RNF185: variants seen among roughly 807,000 people sequenced by gnomAD.
The protein encoded by RNF185 is ring finger protein 185, also known as E3 ubiquitin-protein ligase RNF185.
RNF185 carries 13 observed loss-of-function variants against 24.9 expected under a neutral mutation model. The observed-to-expected ratio is 0.52, with a 90% CI of 0.34 to 0.83. The LOEUF (loss-of-function observed/expected upper bound fraction) is 0.83. Ranked by LOEUF, RNF185 falls within the 40% of genes least tolerant of loss-of-function variation. The pLI, the probability that RNF185 is intolerant of heterozygous loss-of-function variation, is 0.01. For synonymous variants in RNF185, 79 were observed against 90.3 expected, an observed-to-expected ratio of 0.88 and a Z score of 0.71; for missense variants, 184 against 244.7, an observed-to-expected ratio of 0.75 and a Z score of 1.65.
intron 1 of RNF185, among the ~76,000 whole-genome samples, chr22:31,178,741 T>C (rs2048006717): frequency 6.6e-6 from 1 of 152,166 alleles, no homozygotes; most frequent in Non-Finnish European, 1.5e-5. Context: ...CAAATGTAAT[T>C]GGCATTGGAA....
At chr22:31,204,258 G>A (rs535840191) in intron 6 of RNF185, among the ~76,000 whole-genome samples, 4 of 151,688 alleles carry the variant, frequency 2.6e-5, no homozygotes, top group East Asian at 3.9e-4. Flanking sequence ...CAGGAGAATC[G>A]CTTGAACCTG....
chr22:31,198,111 C>T (rs2048224525), intron 5 of RNF185, among the ~76,000 whole-genome samples: 1 of 152,184 alleles, frequency 6.6e-6, no homozygotes, highest in Non-Finnish European at 1.5e-5. Flanking sequence ...ATGTTCTCTT[C>T]ATCTGTAGGC....
chr22:31,180,794 T>C (rs1384975810), intron 1 of RNF185, among the ~76,000 whole-genome samples: 2 of 152,206 alleles, frequency 1.3e-5, no homozygotes, highest in South Asian at 2.1e-4. Context: ...GTAATACTTA[T>C]TTGTTATAAA....
intron 5 of RNF185, 136 bp downstream of exon 5, chr22:31,197,126 A>G: frequency 7.6e-7 from 1 of 1,321,496 alleles, no homozygotes; most frequent in Non-Finnish European, 1.0e-6. Context: ...AAGAGGGGGA[A>G]AAAAATCACT....
chr22:31,202,865 G>C (rs1397628576), intron 6 of RNF185, among the ~76,000 whole-genome samples: 1 of 152,062 alleles, frequency 6.6e-6, no homozygotes, highest in East Asian at 1.9e-4. Context: ...CCGCCCGCCT[G>C]GGCCTCCCAA....
chr22:31,195,444 A>G lies in RNF185; in HGVS notation c.196-25A>G, dbSNP rs189491332. 2.5e-4 allele frequency: 391 copies of G among 1,534,168 alleles called. 1 individual carries two copies. The African/African-American group carries it at 4.8e-3, about 19-fold the overall frequency. Reference sequence around the variant, plus strand: ...CTCTGGTGGGTCTTGGGCCATCCACATGCATTTTTCTCTCCTGTTTGCAGT... The same window carrying G: ...CTCTGGTGGGTCTTGGGCCATCCACGTGCATTTTTCTCTCCTGTTTGCAGT... On this transcript the variant is annotated intron_variant, in intron 3 of 6. Transcript: ENST00000326132.
chr22:31,160,933 C>T (rs1464688822), intron 1 of RNF185, among the ~76,000 whole-genome samples: 3 of 152,144 alleles, frequency 2.0e-5, no homozygotes, highest in East Asian at 3.8e-4. Context: ...GTTTGAAGCT[C>T]ATTGATTTTA....
At chr22:31,170,227 C>T (rs368481354) in intron 1 of RNF185, among the ~76,000 whole-genome samples, 18 of 151,940 alleles carry the variant, frequency 1.2e-4, no homozygotes, top group East Asian at 5.8e-4. Context: ...CTTGTTCAGT[C>T]GCCCAGGCTG....
chr22:31,204,455 C>A, intron 6 of RNF185, 34 bp from the exon 7 acceptor site: 1 of 1,429,656 alleles, frequency 7.0e-7, no homozygotes, highest in South Asian at 1.1e-5. Flanking sequence ...CTGCAGTGTT[C>A]TAATAGCCTG....
intron 1 of RNF185, among the ~76,000 whole-genome samples, chr22:31,183,818 T>C (rs1426268764): frequency 2.0e-5 from 3 of 152,218 alleles, no homozygotes; most frequent in Non-Finnish European, 4.4e-5. Context: ...TGATCTCTCT[T>C]TCTTTTCCCC....
chr22:31,168,503 T>C (rs1038117087), intron 1 of RNF185, among the ~76,000 whole-genome samples: 1 of 152,262 alleles, frequency 6.6e-6, no homozygotes, highest in Non-Finnish European at 1.5e-5. Flanking sequence ...TTTCAGCTAT[T>C]GTGAATACTG....
At chr22:31,183,697 G>T (rs2048063142) in intron 1 of RNF185, among the ~76,000 whole-genome samples, 1 of 152,172 alleles carries the variant, frequency 6.6e-6, no homozygotes, top group Non-Finnish European at 1.5e-5. Flanking sequence ...AGCAGGGGTT[G>T]GGGGTAAGGT....
intron 1 of RNF185, among the ~76,000 whole-genome samples, chr22:31,178,349 G>A (rs2048002887): frequency 6.6e-6 from 1 of 152,134 alleles, no homozygotes; most frequent in Admixed American, 6.6e-5. Context: ...TATTTTGTTG[G>A]TATTGCTTTG....
At chr22:31,164,369 A>T (rs1321898161) in intron 1 of RNF185, among the ~76,000 whole-genome samples, 1 of 152,204 alleles carries the variant, frequency 6.6e-6, no homozygotes, top group African/African-American at 2.4e-5. Flanking sequence ...ACTTCACCTA[A>T]TGTCAAAACT....
At chr22:31,172,740 C>A (rs1418965671) in intron 1 of RNF185, among the ~76,000 whole-genome samples, 1 of 137,410 alleles carries the variant, frequency 7.3e-6, no homozygotes, top group East Asian at 1.9e-4. Context: ...CAGAGTGAGA[C>A]CCCGTCTCAA....
intron 1 of RNF185, among the ~76,000 whole-genome samples, chr22:31,174,383 T>A (rs2047961028): frequency 6.6e-6 from 1 of 152,178 alleles, no homozygotes; most frequent in African/African-American, 2.4e-5. Context: ...AAAAAAATTT[T>A]TTTTTTTAAT....
intron 1 of RNF185, among the ~76,000 whole-genome samples, chr22:31,179,223 C>T (rs575992500): frequency 1.3e-5 from 2 of 152,268 alleles, no homozygotes; most frequent in South Asian, 4.2e-4. Context: ...TAGGTATGCT[C>T]AGGACCTGAT....
rs71202049 is a variant in RNF185 at position 31,202,607 on chromosome 22, C to CTTTTT, written c.481+1011_481+1015dup. ...CAGCACCAAGATATCTTGGGAATGC[C>CTTTTT]TTTTTTTTTTTTTTTTTTTTTTTGA... is the stretch of plus-strand genomic sequence containing the variant. On this transcript the variant is annotated intron_variant, in intron 6 of 6. Coordinates refer to ENST00000326132, the MANE Select transcript of RNF185 (RefSeq NM_152267.4). 1.9e-3 allele frequency among the ~76,000 whole-genome samples: 155 copies of CTTTTT among 83,764 alleles called. 2 individuals carry two copies. The highest frequency in any genetic ancestry group is 9.1e-3 in the East Asian group (22 of 2,418). The allele number at this position is 83,764 out of a possible 152,430, so 55.0% of individuals were successfully genotyped here. A position where few individuals can be genotyped will look rare whatever the true frequency, so the allele number is the denominator to read the frequency against.
intron 1 of RNF185, among the ~76,000 whole-genome samples, chr22:31,173,416 G>GACACACACACACACACACACAC (rs55812227): frequency 4.1e-5 from 6 of 146,784 alleles, no homozygotes; most frequent in Non-Finnish European, 6.0e-5. Flanking sequence ...CACACACACA[G>GACACACACACACACACACACAC]ACACACACAC....
Sources: gnomAD v4.1 joint callset for allele counts (sites outside exome capture counted in the v4.1 genomes callset) on GRCh38, gnomAD v4.1.1 for gene constraint, MANE v1.5 for transcripts, NCBI Gene and HGNC (gene_info 2026-07-23, HGNC 2026-07-21) for gene names.